Variants in SLIT2 observed in about 807,000 individuals in gnomAD.
SLIT2 encodes slit guidance ligand 2.
Under a neutral mutation model 185.7 loss-of-function variants are expected in SLIT2, and 41 were observed. The observed-to-expected ratio is 0.22, with a 90% CI of 0.17 to 0.29. The LOEUF (loss-of-function observed/expected upper bound fraction) is 0.29. Ranked by LOEUF, SLIT2 falls within the 10% of genes least tolerant of loss-of-function variation. The pLI is 1.00. For synonymous variants in SLIT2, 693 were observed against 680.2 expected (o/e 1.02, Z -0.29); for missense variants, 1,571 against 1,909.0 (o/e 0.82, Z 3.30).
chr4:20,322,284 G>A (rs1389672502), intron 4 of SLIT2, among the ~76,000 whole-genome samples: 1 of 152,178 alleles, frequency 6.6e-6, no homozygotes, highest in Non-Finnish European at 1.5e-5. Flanking sequence ...TTGGAGCACA[G>A]CTTGGCTTTA....
intron 14 of SLIT2, among the ~76,000 whole-genome samples, chr4:20,524,742 A>G (rs1476884936): frequency 6.6e-6 from 1 of 152,208 alleles, no homozygotes; most frequent in Non-Finnish European, 1.5e-5. Context: ...TTGTGGGAAT[A>G]TTGCATTTAT....
intron 29 of SLIT2, among the ~76,000 whole-genome samples, chr4:20,580,029 A>ATATATATTATGTATATATTATATATTATG (rs1560211660): frequency 7.1e-6 from 1 of 141,056 alleles, no homozygotes; most frequent in Non-Finnish European, 1.5e-5. Context: ...ATTATATATA[A>ATATATATTATGTATATATTATATATTATG]TATATATTAT....
chr4:20,597,410 G>T (rs1193716895), intron 32 of SLIT2, among the ~76,000 whole-genome samples: 1 of 152,032 alleles, frequency 6.6e-6, no homozygotes. Flanking sequence ...TTGAAGAATT[G>T]ACATGAAATT....
At chr4:20,350,381 TG>T (rs909729767) in intron 4 of SLIT2, among the ~76,000 whole-genome samples, 3 of 152,174 alleles carry the variant, frequency 2.0e-5, no homozygotes, top group African/African-American at 7.2e-5. Context: ...TCCCAAAGCA[TG>T]AGCAAATTCT....
At chr4:20,268,967 C>T in intron 4 of SLIT2, 86 bp downstream of exon 4, 2 of 837,040 alleles carry the variant, frequency 2.4e-6, no homozygotes, top group East Asian at 2.4e-5. Context: ...TGTGTGCTTT[C>T]CTGGAATCTG....
chr4:20,399,438 T>G (rs570127256), intron 4 of SLIT2, among the ~76,000 whole-genome samples: 2 of 151,872 alleles, frequency 1.3e-5, no homozygotes, highest in East Asian at 3.9e-4. Flanking sequence ...GTTTCTGCAT[T>G]TATATAATAG....
At chr4:20,272,939 A>G (rs2109037458) in intron 4 of SLIT2, among the ~76,000 whole-genome samples, 1 of 152,232 alleles carries the variant, frequency 6.6e-6, no homozygotes, top group South Asian at 2.1e-4. Context: ...GACTCTCTTT[A>G]TGGCCTAGTG....
At chr4:20,550,573 C>CT (rs949441444) in intron 24 of SLIT2, among the ~76,000 whole-genome samples, 22 of 151,978 alleles carry the variant, frequency 1.4e-4, no homozygotes, top group African/African-American at 4.8e-4. Context: ...AAAGGAAGAT[C>CT]TTCTTTATTT....
At chr4:20,423,366 CG>C (rs1253478161) in intron 4 of SLIT2, among the ~76,000 whole-genome samples, 9 of 148,806 alleles carry the variant, frequency 6.0e-5, no homozygotes, top group Non-Finnish European at 1.2e-4. Context: ...GCAACATCCC[CG>C]AATATTTACC....
chr4:20,437,417 C>T (rs1009645961), intron 4 of SLIT2, among the ~76,000 whole-genome samples: 11 of 152,106 alleles, frequency 7.2e-5, no homozygotes, highest in African/African-American at 2.7e-4. Context: ...GAGTTTGAGA[C>T]CAGCCTGGGC....
Position 20,620,140 on chromosome 4 carries a change from A to G in SLIT2, c.*1131A>G, listed in dbSNP as rs1325948713. The stretch of plus-strand genomic sequence containing the variant: ...TGGCCCCTCTGCAACATGTCCTCAC[A>G]GAAACGAAATGGTGTGTAGCAATCA... On this transcript the variant is annotated 3_prime_UTR_variant, in exon 37 of 37. Transcript: ENST00000504154. 4.2e-6 allele frequency: 1 copy of G among 240,376 alleles called. No individual in the cohort carries two copies. Among genetic ancestry groups the G allele is most frequent in the African/African-American group, 2.3e-5 (1 of 43,550 alleles). The allele number at this position is 240,376 out of a possible 1,614,324, so 14.9% of individuals were successfully genotyped here.
chr4:20,537,748 T>TG (rs1441823021), intron 18 of SLIT2, among the ~76,000 whole-genome samples: 1 of 152,154 alleles, frequency 6.6e-6, no homozygotes, highest in Non-Finnish European at 1.5e-5. Context: ...TACCTATTCT[T>TG]GGTGTCTTTT....
intron 4 of SLIT2, among the ~76,000 whole-genome samples, chr4:20,367,926 G>A (rs1210375715): frequency 1.3e-5 from 2 of 152,048 alleles, no homozygotes; most frequent in Non-Finnish European, 2.9e-5. Flanking sequence ...GTCAGCCTTC[G>A]TTGGAAGAGA....
chr4:20,342,507 C>T (rs541199830), intron 4 of SLIT2, among the ~76,000 whole-genome samples: 11 of 152,052 alleles, frequency 7.2e-5, no homozygotes, highest in Non-Finnish European at 1.6e-4. Context: ...ATTTGACTCA[C>T]GCTATTTCTA....
At chr4:20,376,279 A>T (rs911232655) in intron 4 of SLIT2, among the ~76,000 whole-genome samples, 1 of 151,960 alleles carries the variant, frequency 6.6e-6, no homozygotes, top group South Asian at 2.1e-4. Flanking sequence ...ATTGAGAATG[A>T]AAAAGGCAAA....
intron 4 of SLIT2, among the ~76,000 whole-genome samples, chr4:20,374,819 C>T (rs1238029249): frequency 1.3e-5 from 2 of 152,006 alleles, no homozygotes; most frequent in African/African-American, 2.4e-5. Flanking sequence ...ATGGTTTCTT[C>T]GCTGTGACAA....
intron 4 of SLIT2, among the ~76,000 whole-genome samples, chr4:20,408,905 C>T (rs1401167660): frequency 6.6e-6 from 1 of 152,062 alleles, no homozygotes; most frequent in Non-Finnish European, 1.5e-5. Context: ...GAAAGAATAC[C>T]ATCTACTTCT....
chr4:20,525,250 T>G, intron 15 of SLIT2, 78 bp downstream of exon 15: 1 of 1,041,780 alleles, frequency 9.6e-7, no homozygotes, highest in Non-Finnish European at 1.5e-6. Context: ...AAAACTGATA[T>G]GCATGCTTCT....
rs966679732 is a variant in SLIT2, at chr4:20,451,735, T to C, written c.396-16017T>C. ...TGATTTAAGTGCCTTTTTGGAACAG[T>C]AGTTGGGCAGAATTGATTTGGTGTC... On this transcript the variant is annotated intron_variant, in intron 4 of 36. Transcript: ENST00000504154. Among the ~76,000 whole-genome samples, 16 of 152,178 alleles carry C rather than the reference T, an allele frequency of 1.1e-4. 1 individual carries two copies. The highest frequency in any genetic ancestry group is 3.9e-4 in the African/African-American group (16 of 41,436).
Sources: allele counts gnomAD v4.1 joint callset (sites outside exome capture counted in the v4.1 genomes callset), GRCh38; gene constraint gnomAD v4.1.1; transcripts MANE v1.5; gene names NCBI Gene and HGNC (gene_info 2026-07-23, HGNC 2026-07-21).